RANBP2: variants seen among roughly 807,000 people sequenced by gnomAD.
RANBP2 encodes the protein RAN binding protein 2, also known as E3 SUMO-protein ligase RanBP2.
RANBP2 carries 57 observed loss-of-function variants against 303.6 expected under a neutral mutation model. The ratio of observed to expected loss-of-function variants is 0.19; its 90% CI spans 0.15 to 0.23. The LOEUF (loss-of-function observed/expected upper bound fraction) is 0.23. Ranked by LOEUF, RANBP2 falls within the 10% of genes least tolerant of loss-of-function variation. The pLI, the probability that RANBP2 is intolerant of heterozygous loss-of-function variation, is 1.00. For synonymous variants in RANBP2, 1,167 were observed against 1,301.5 expected (o/e 0.90, Z 2.23); for missense variants, 3,138 against 3,780.8 (o/e 0.83, Z 4.46).
chr2:109,155,045 G>T, the RANBP2 span, among the ~76,000 whole-genome samples: 1 of 152,164 alleles, frequency 6.6e-6, no homozygotes, highest in Non-Finnish European at 1.5e-5. Flanking sequence ...GTGTGTTCTG[G>T]TGTGCTCATG....
chr2:109,576,770 A>G, the RANBP2 span, among the ~76,000 whole-genome samples: 2 of 152,224 alleles, frequency 1.3e-5, no homozygotes, highest in African/African-American at 4.8e-5. Context: ...ATAATATGCC[A>G]TTCTTTCATA....
At chr2:109,017,779 C>G in the RANBP2 span, among the ~76,000 whole-genome samples, 1 of 152,164 alleles carries the variant, frequency 6.6e-6, no homozygotes. Context: ...CATTCAGTCT[C>G]TGGGTACCCA....
At chr2:109,544,715 A>C in the RANBP2 span, 1 of 843,296 alleles carries the variant, frequency 1.2e-6, no homozygotes, top group Non-Finnish European at 1.4e-6. Context: ...GAAAAGCAGT[A>C]ATAAATTTAT....
the RANBP2 span, chr2:109,348,062 T>G: frequency 7.2e-7 from 1 of 1,395,152 alleles, no homozygotes; most frequent in African/African-American, 1.4e-5. Context: ...GTCTGAATCC[T>G]GGCTCCTCCC....
the RANBP2 span, among the ~76,000 whole-genome samples, chr2:109,223,938 G>T: frequency 6.6e-6 from 1 of 152,210 alleles, no homozygotes; most frequent in Non-Finnish European, 1.5e-5. Context: ...GGGGGTGTGG[G>T]TTGCAGTGAG....
At chr2:109,709,357 T>C in the RANBP2 span, among the ~76,000 whole-genome samples, 1 of 149,742 alleles carries the variant, frequency 6.7e-6, no homozygotes, top group Non-Finnish European at 1.5e-5. Flanking sequence ...TAAAATAAAA[T>C]AAAATAAAAT....
the RANBP2 span, chr2:108,794,673 G>A: frequency 6.2e-7 from 1 of 1,614,008 alleles, no homozygotes; most frequent in East Asian, 2.2e-5. Context: ...TTCCACATCA[G>A]ATCAGTCAGA....
At chr2:109,116,926 G>A in the RANBP2 span, among the ~76,000 whole-genome samples, 1 of 152,244 alleles carries the variant, frequency 6.6e-6, no homozygotes, top group African/African-American at 2.4e-5. Context: ...GGTAACAGCA[G>A]CGGTGGCTGC....
the RANBP2 span, among the ~76,000 whole-genome samples, chr2:109,228,558 G>C: frequency 1.6e-4 from 25 of 152,310 alleles, no homozygotes; most frequent in Middle Eastern, 3.4e-3. Context: ...GACCCTGCAG[G>C]TTAAGGGCTC....
the RANBP2 span, among the ~76,000 whole-genome samples, chr2:108,862,395 T>C: frequency 1.3e-5 from 2 of 152,158 alleles, no homozygotes; most frequent in Non-Finnish European, 2.9e-5. Flanking sequence ...GTAGTGTCAG[T>C]GGACCTAACT....
the RANBP2 span, among the ~76,000 whole-genome samples, chr2:108,988,575 A>G: frequency 1.3e-5 from 2 of 152,158 alleles, no homozygotes; most frequent in Non-Finnish European, 2.9e-5. Flanking sequence ...GAGCCCAGCT[A>G]GAGTCCCTGC....
chr2:109,021,400 G>T, the RANBP2 span, among the ~76,000 whole-genome samples: 1 of 151,928 alleles, frequency 6.6e-6, no homozygotes, highest in South Asian at 2.1e-4. Context: ...GTGGGCGCCT[G>T]TAGTCCCAGC....
the RANBP2 span, among the ~76,000 whole-genome samples, chr2:109,286,301 A>T: frequency 6.6e-6 from 1 of 152,108 alleles, no homozygotes; most frequent in Non-Finnish European, 1.5e-5. Context: ...TGGTCAAGGG[A>T]TGTGTTTGAC....
At chr2:108,906,372 T>C in the RANBP2 span, 6 of 1,613,996 alleles carry the variant, frequency 3.7e-6, no homozygotes, top group East Asian at 6.7e-5. Flanking sequence ...TTTGAATCTG[T>C]GAAAAAGAGT....
At chr2:109,478,021 AT>A in the RANBP2 span, among the ~76,000 whole-genome samples, 1 of 152,210 alleles carries the variant, frequency 6.6e-6, no homozygotes. Context: ...TATTACTGGA[AT>A]GATTAGAAAG....
chr2:109,594,790 T>C, the RANBP2 span: 2 of 152,196 alleles, frequency 1.3e-5, no homozygotes, highest in African/African-American at 4.8e-5. Flanking sequence ...GACAAAATAG[T>C]GTACATCGTG....
At chr2:109,218,571 T>C in the RANBP2 span, among the ~76,000 whole-genome samples, 1 of 152,156 alleles carries the variant, frequency 6.6e-6, no homozygotes, top group Non-Finnish European at 1.5e-5. Context: ...GACCTTTTCA[T>C]CTCTCGGTCA....
At chr2:109,490,904 C>A in the RANBP2 span, 1 of 1,516,068 alleles carries the variant, frequency 6.6e-7, no homozygotes, top group Admixed American at 2.0e-5. Context: ...TGGCTGCCAT[C>A]CGCCCCGAGC....
chr2:109,085,168 T>C, the RANBP2 span, among the ~76,000 whole-genome samples: 2 of 152,172 alleles, frequency 1.3e-5, no homozygotes, highest in African/African-American at 4.8e-5. Context: ...ATGAGGGAGC[T>C]GAGCCCATTC....
Sources: gnomAD v4.1 joint callset for allele counts (sites outside exome capture counted in the v4.1 genomes callset) on GRCh38, gnomAD v4.1.1 for gene constraint, MANE v1.5 for transcripts, NCBI Gene and HGNC (gene_info 2026-07-23, HGNC 2026-07-21) for gene names.